MLPH: variants seen among roughly 807,000 people sequenced by gnomAD.
MLPH encodes melanophilin.
A neutral mutation model predicts 72.1 loss-of-function variants in MLPH; 51 were observed. The ratio of observed to expected loss-of-function variants is 0.71; its 90% CI spans 0.56 to 0.89. The LOEUF (loss-of-function observed/expected upper bound fraction) is 0.89, where lower values mean the gene tolerates loss of function less well. Among genes scored for constraint, MLPH ranks in the 40% least tolerant of loss-of-function variants. The probability of loss-of-function intolerance (pLI) is 0.00; values close to 1 mark genes in which losing one functional copy is unlikely to be tolerated. For missense variants in MLPH, 743 were observed against 759.9 expected (o/e 0.98, Z 0.26); for synonymous variants, 301 against 310.1 (o/e 0.97, Z 0.31).
At position 237,504,923 on chromosome 2, in the gene MLPH, C is replaced by A. The variant is rs78358347; in HGVS notation, c.111-5651C>A. On this transcript the variant is annotated intron_variant, in intron 2 of 15. Transcript: ENST00000264605. ...GTCTTTTATTTCCCATCTGCTCCCC[C>A]TCGTGAGACCCCACCCCTTGAGCAG... Among the ~76,000 whole-genome samples, 878 of 152,286 alleles carry A rather than the reference C, an allele frequency of 5.8e-3. 15 individuals are homozygous for A. The highest frequency in any genetic ancestry group is 0.02 in the African/African-American group (847 of 41,556).
In MLPH at chr2:237,518,625, C is replaced by T. The variant is rs939499051; in HGVS notation, c.532C>T (p.Gln178Ter). The change falls in exon 5 of 16, where the codon CAG becomes TAG. Residue 178 changes from glutamine (Q) to a stop codon, truncating the protein, a stop_gained. Transcript: ENST00000264605. LOFTEE classifies it high-confidence loss of function. Reference sequence around the variant, plus strand: ...AGAACCTGGCTCAGAGGCCCAGGCCCAGGCCCAGCCCTTTGGCAGCAAAGT... The same window carrying T: ...AGAACCTGGCTCAGAGGCCCAGGCCTAGGCCCAGCCCTTTGGCAGCAAAGT... The part of the protein sequence containing the change: ...DGEPGSEAQA[Q>*]AQPFGSKKKR... The T allele has an allele frequency of 6.2e-7, 1 of 1,613,338 alleles. No individual in the cohort carries two copies. The highest frequency in any genetic ancestry group is 1.1e-5 in the South Asian group (1 of 90,998).
Position 237,510,833 on chromosome 2 carries a change from T to C in MLPH, c.332+38T>C. The stretch of plus-strand genomic sequence containing the variant: ...CTTGAGGTAAAATGACCTTGATAGT[T>C]TCTGGATCTGGCGTGTCCCTTCCAT... On this transcript the variant is annotated intron_variant, in intron 3 of 15. Transcript: ENST00000264605. This position sits in a 1 kb window ranked among gnomAD's most constrained non-coding sequence, Gnocchi z 4.4. 1 of 1,610,360 alleles carries C rather than the reference T, an allele frequency of 6.2e-7. No homozygotes were observed. The highest frequency in any genetic ancestry group is 8.5e-7 in the Non-Finnish European group (1 of 1,177,822).
chr2:237,501,663 CTAAA>C lies in MLPH; in HGVS notation c.110+8128_110+8131del, dbSNP rs1459339809. On this transcript the variant is annotated intron_variant, in intron 2 of 15. Coordinates refer to ENST00000264605, the MANE Select transcript of MLPH (RefSeq NM_024101.7). ...CTAACATAGTGAAACCACGTCTCTA[CTAAA>C]AAAAAAAAAAAAAAAAAAAAAATAC... 4.8e-3 allele frequency among the ~76,000 whole-genome samples: 483 copies of C among 101,650 alleles called. 1 individual carries two copies. Among genetic ancestry groups the C allele is most frequent in the African/African-American group, 0.016 (449 of 28,864 alleles). 66.7% of individuals were successfully genotyped at this position (101,650 alleles called of 152,430 possible).
At chr2:237,514,520 G>A (rs2079973281) in intron 4 of MLPH, among the ~76,000 whole-genome samples, 1 of 152,182 alleles carries the variant, frequency 6.6e-6, no homozygotes, top group Admixed American at 6.5e-5. Flanking sequence ...CCTTGGGGAA[G>A]AGGGATTCTA....
chr2:237,507,041 T>C (rs991245885), intron 2 of MLPH, among the ~76,000 whole-genome samples: 1 of 151,418 alleles, frequency 6.6e-6, no homozygotes. Context: ...TGGTAGTTTT[T>C]TTCCTTTTTC....
At chr2:237,539,635 C>T (rs1161209273) in intron 9 of MLPH, among the ~76,000 whole-genome samples, 1 of 152,188 alleles carries the variant, frequency 6.6e-6, no homozygotes, top group Non-Finnish European at 1.5e-5. Flanking sequence ...TGCCTCCTGC[C>T]CACAGACAAG....
chr2:237,516,818 TG>T (rs1343132208), intron 4 of MLPH, among the ~76,000 whole-genome samples: 4 of 148,602 alleles, frequency 2.7e-5, no homozygotes, highest in African/African-American at 7.5e-5. Flanking sequence ...GATGGATGGA[TG>T]GATGGATGGT....
chr2:237,543,112 G>GCAC (rs2080759541), intron 12 of MLPH, among the ~76,000 whole-genome samples: 1 of 70,944 alleles, frequency 1.4e-5, no homozygotes, highest in South Asian at 5.8e-4. Flanking sequence ...TGGTGAGTGG[G>GCAC]GGTACAGTGG....
At chr2:237,542,527 CGTCT>C (rs1328375565) in intron 11 of MLPH, 36 bp from the exon 12 acceptor site, 1 of 1,497,602 alleles carries the variant, frequency 6.7e-7, no homozygotes, top group African/African-American at 1.4e-5. Context: ...GGATCTCGAG[CGTCT>C]GTCTGACGGG....
At chr2:237,493,343 G>A in intron 1 of MLPH, 60 bp from the exon 2 acceptor site, 1 of 1,057,770 alleles carries the variant, frequency 9.5e-7, no homozygotes, top group Non-Finnish European at 1.5e-6. Context: ...CTTACTCTGT[G>A]ACTTGATTGG....
At chr2:237,515,210 G>A (rs1020458779) in intron 4 of MLPH, among the ~76,000 whole-genome samples, 8 of 152,190 alleles carry the variant, frequency 5.3e-5, no homozygotes, top group Non-Finnish European at 1.0e-4. Flanking sequence ...GAGGGTGTAC[G>A]GCACTCGGGG....
In MLPH at chr2:237,512,596, G is replaced by T. The variant is rs2079928137; in HGVS notation, c.445+1495G>T. ...GGGGCTGCTTCTTCACAGTGATCAT[G>T]AAGCCTAGCAGCAAATCCCACCTCC... On this transcript the variant is annotated intron_variant, in intron 4 of 15. Transcript: ENST00000264605. This position sits in a 1 kb window ranked among gnomAD's most constrained non-coding sequence, Gnocchi z 5.5. Among the ~76,000 whole-genome samples the T allele has an allele frequency of 6.6e-6, 1 of 152,138 alleles. No homozygotes were observed. Among genetic ancestry groups the T allele is most frequent in the Non-Finnish European group, 1.5e-5 (1 of 68,028 alleles).
rs182981925 is a variant in MLPH, at chr2:237,527,716, T to C, written c.1020+200T>C. On this transcript the variant is annotated intron_variant, in intron 8 of 15. Transcript: ENST00000264605. ...CATAACAGAAAATTAACCATCTTAG[T>C]ATGGCCATTCCCCAAAAATTAAAAA... is the stretch of plus-strand genomic sequence containing the variant. 4.4e-6 allele frequency: 3 copies of C among 686,694 alleles called. No homozygotes were observed. The East Asian group carries it at 8.4e-5, about 19-fold the overall frequency. 42.5% of individuals were successfully genotyped at this position (686,694 alleles called of 1,614,324 possible). A position where few individuals can be genotyped will look rare whatever the true frequency, so the allele number is the denominator to read the frequency against.
At chr2:237,516,856 A>ATGG (rs1559350285) in intron 4 of MLPH, among the ~76,000 whole-genome samples, 2 of 54,298 alleles carry the variant, frequency 3.7e-5, no homozygotes, top group African/African-American at 7.6e-5. Context: ...TGGATGGATG[A>ATGG]TAGGATGGAT....
intron 2 of MLPH, among the ~76,000 whole-genome samples, chr2:237,494,180 A>AG (rs113171314): frequency 0.042 from 6,297 of 151,710 alleles, 421 homozygotes; most frequent in African/African-American, 0.14. Context: ...CTCCCGGCGA[A>AG]GGGGGGGGCA....
chr2:237,510,902 T>TGG lies in MLPH; in HGVS notation c.333-86_333-85insGG. The TGG allele has an allele frequency of 2.0e-6, 1 of 493,930 alleles. No homozygotes were observed. The highest frequency in any genetic ancestry group is 3.2e-6 in the Non-Finnish European group (1 of 315,870). 30.6% of individuals were successfully genotyped at this position (493,930 alleles called of 1,614,324 possible). A position where few individuals can be genotyped will look rare whatever the true frequency, so the allele number is the denominator to read the frequency against. On this transcript the variant is annotated intron_variant, in intron 3 of 15. Transcript: ENST00000264605. This position sits in a 1 kb window ranked among gnomAD's most constrained non-coding sequence, Gnocchi z 4.4. ...GTGGACGCACACATGCACACACTCG[T>TGG]GTGTGTGTGTGTGTGTGTGTGTGAG... is the stretch of plus-strand genomic sequence containing the variant.
chr2:237,527,880 A>G (rs556772619), intron 8 of MLPH, among the ~76,000 whole-genome samples: 9 of 152,350 alleles, frequency 5.9e-5, no homozygotes, highest in African/African-American at 2.2e-4. Flanking sequence ...AAGTAACCCA[A>G]GCGTCCATTG....
chr2:237,486,955 G>A (rs1413256265), upstream of MLPH, among the ~76,000 whole-genome samples: 3 of 152,072 alleles, frequency 2.0e-5, no homozygotes, highest in Non-Finnish European at 2.9e-5. Flanking sequence ...GGGTCCCACC[G>A]TGCCCAAGGC....
chr2:237,493,546 C>T lies in MLPH; in HGVS notation c.110+10C>T, dbSNP rs778040191. ...AAGAGGAACGGCTAGAGTGAGTGTG[C>T]CGTGCTGAGCCCACGGAGCCCGGGG... On this transcript the variant is annotated intron_variant, in intron 2 of 15. Transcript: ENST00000264605. 1 of 1,604,814 alleles carries T rather than the reference C, an allele frequency of 6.2e-7. No individual in the cohort carries two copies. Among genetic ancestry groups the T allele is most frequent in the South Asian group, 1.1e-5 (1 of 90,888 alleles).
Sources: gnomAD v4.1 joint callset for allele counts (sites outside exome capture counted in the v4.1 genomes callset) on GRCh38, gnomAD v4.1.1 for gene constraint, Gnocchi (gnomAD v3.1) non-coding constraint, MANE v1.5 for transcripts, NCBI Gene and HGNC (gene_info 2026-07-23, HGNC 2026-07-21) for gene names.